Variants in IL17RD observed in about 807,000 individuals in gnomAD.
The protein encoded by IL17RD is interleukin 17 receptor D.
IL17RD carries 52 observed loss-of-function variants against 80.5 expected under a neutral mutation model. The ratio of observed to expected loss-of-function variants is 0.65; its 90% CI spans 0.52 to 0.81. The LOEUF (loss-of-function observed/expected upper bound fraction) is 0.81. Among genes scored for constraint, IL17RD ranks in the 40% least tolerant of loss-of-function variants. The probability of loss-of-function intolerance (pLI) is 0.00; values close to 1 mark genes in which losing one functional copy is unlikely to be tolerated. For synonymous variants in IL17RD, 416 were observed against 391.8 expected, an observed-to-expected ratio of 1.06 and a Z score of -0.73; for missense variants, 1,024 against 955.1, an observed-to-expected ratio of 1.07 and a Z score of -0.95.
At chr3:57,101,073 G>A (rs567716832) in intron 11 of IL17RD, 106 bp downstream of exon 11, 1 of 799,664 alleles carries the variant, frequency 1.3e-6, no homozygotes, top group East Asian at 2.7e-5. Flanking sequence ...ACTAGTCAAG[G>A]GCAGGTGTCA....
chr3:57,152,810 A>G (rs374925178), intron 1 of IL17RD, among the ~76,000 whole-genome samples: 103 of 152,372 alleles, frequency 6.8e-4, no homozygotes, highest in African/African-American at 2.4e-3. Flanking sequence ...CTAAAAGGCT[A>G]GAAACTGACT....
chr3:57,111,991 A>T (rs564321828), intron 3 of IL17RD, among the ~76,000 whole-genome samples: 2 of 151,850 alleles, frequency 1.3e-5, no homozygotes, highest in Non-Finnish European at 2.9e-5. Context: ...AAGAAAAAAA[A>T]ATTCATCAGT....
chr3:57,147,680 G>T (rs1371486304), intron 1 of IL17RD, among the ~76,000 whole-genome samples: 1 of 152,206 alleles, frequency 6.6e-6, no homozygotes, highest in Non-Finnish European at 1.5e-5. Context: ...GGCAAAAAGG[G>T]GAGGGGAGCT....
At chr3:57,137,846 C>G (rs1707758121) in intron 1 of IL17RD, among the ~76,000 whole-genome samples, 1 of 152,164 alleles carries the variant, frequency 6.6e-6, no homozygotes, top group African/African-American at 2.4e-5. Context: ...TCAGAGTAAA[C>G]CAGTGTCATG....
intron 1 of IL17RD, among the ~76,000 whole-genome samples, chr3:57,151,224 T>C (rs1222614439): frequency 2.0e-5 from 3 of 152,188 alleles, no homozygotes; most frequent in Non-Finnish European, 4.4e-5. Context: ...CAGAGTGATA[T>C]AACAGATGAC....
At chr3:57,132,060 C>A (rs1220154280) in intron 1 of IL17RD, among the ~76,000 whole-genome samples, 1 of 152,070 alleles carries the variant, frequency 6.6e-6, no homozygotes, top group Non-Finnish European at 1.5e-5. Context: ...GTGGTACACA[C>A]CTGTGGTCCC....
rs181882297 is a variant in IL17RD, at chr3:57,136,924, A to T, written c.127-16611T>A. 1.7e-3 allele frequency among the ~76,000 whole-genome samples: 258 copies of T among 152,322 alleles called. 1 individual carries two copies. Among genetic ancestry groups the T allele is most frequent in the African/African-American group, 6.1e-3 (253 of 41,568 alleles). ...AGTAGATAAGGTTACACTGCCTAGAATGAATGGGCTAAGTTATGCCACTGA... is the reference window on the plus strand; with the variant it reads ...AGTAGATAAGGTTACACTGCCTAGATTGAATGGGCTAAGTTATGCCACTGA... On this transcript the variant is annotated intron_variant, in intron 1 of 12. Coordinates refer to ENST00000296318, the MANE Select transcript of IL17RD (RefSeq NM_017563.5).
At position 57,098,086 on chromosome 3, in the gene IL17RD, G is replaced by A; in HGVS notation, c.1617C>T (p.Gly539=). 6.2e-7 allele frequency: 1 copy of A among 1,614,000 alleles called. No homozygotes were observed. The highest frequency in any genetic ancestry group is 8.5e-7 in the Non-Finnish European group (1 of 1,179,902). Residue 539 remains glycine, a synonymous_variant, in exon 12 of 13, where the codon GGC becomes GGT. Coordinates refer to ENST00000296318, the MANE Select transcript of IL17RD (RefSeq NM_017563.5). ...SRRNYFRSKS[G]RSLYVAICNM... The stretch of plus-strand genomic sequence containing the variant: ...TGCAAATGGCGACGTATAGGGACCG[G>A]CCTGACTTGCTCCGGAAGTAGTTCC...
chr3:57,095,032 C>G lies in IL17RD; in HGVS notation c.*1361G>C, dbSNP rs1412729188. ...TGTGCTTGGAAGGGAAAGTCCTGCC[C>G]CATCCCACCTCCCACCTTGCCTCAG... On this transcript the variant is annotated 3_prime_UTR_variant, in exon 13 of 13. Transcript: ENST00000296318. The G allele has an allele frequency of 6.6e-6, 1 of 152,618 alleles. No homozygotes were observed. Among genetic ancestry groups the G allele is most frequent in the Non-Finnish European group, 1.5e-5 (1 of 68,048 alleles). 9.5% of individuals were successfully genotyped at this position (152,618 alleles called of 1,614,324 possible). A position where few individuals can be genotyped will look rare whatever the true frequency, so the allele number is the denominator to read the frequency against.
chr3:57,096,631 C>A (rs73836408), intron 12 of IL17RD, 126 bp from the exon 13 acceptor site: 1 of 698,518 alleles, frequency 1.4e-6, no homozygotes. Flanking sequence ...AGGCAAGAAT[C>A]CCAACCAACT....
chr3:57,102,771 G>C (rs998817160), intron 9 of IL17RD, among the ~76,000 whole-genome samples, 182 bp from the exon 10 acceptor site: 1 of 152,198 alleles, frequency 6.6e-6, no homozygotes, highest in Non-Finnish European at 1.5e-5. Context: ...GAGTTGCAAA[G>C]AACAATTCAA....
intron 7 of IL17RD, among the ~76,000 whole-genome samples, chr3:57,105,536 C>CAAAAAAAAAA (rs745910085): frequency 3.7e-4 from 13 of 35,610 alleles, no homozygotes; most frequent in Non-Finnish European, 4.7e-4. Context: ...GACTCCATCT[C>CAAAAAAAAAA]AAAAAAAAAA....
chr3:57,108,666 C>T (rs1256850430), intron 5 of IL17RD, among the ~76,000 whole-genome samples: 1 of 151,904 alleles, frequency 6.6e-6, no homozygotes, highest in African/African-American at 2.4e-5. Context: ...CAGGCGCACA[C>T]CATGACGCCC....
In IL17RD at chr3:57,098,065, A is replaced by T; in HGVS notation, c.1638T>A (p.Ile546=). ...SKSGRSLYVA[I]CNMHQFIDEE... ...CGTCAATAAACTGGTGCATGTTGCA[A>T]ATGGCGACGTATAGGGACCGGCCTG... Residue 546 remains isoleucine, a synonymous_variant, in exon 12 of 13, where the codon ATT becomes ATA. Coordinates refer to ENST00000296318, the MANE Select transcript of IL17RD (RefSeq NM_017563.5). The T allele has an allele frequency of 1.2e-6, 2 of 1,613,948 alleles. No homozygotes were observed. Among genetic ancestry groups the T allele is most frequent in the South Asian group, 1.1e-5 (1 of 91,080 alleles).
chr3:57,104,476 C>A, intron 7 of IL17RD, 69 bp from the exon 8 acceptor site: 1 of 1,021,114 alleles, frequency 9.8e-7, no homozygotes, highest in Non-Finnish European at 1.5e-6. Flanking sequence ...ACCTCTTCTC[C>A]CCCAGAGCTG....
intron 1 of IL17RD, among the ~76,000 whole-genome samples, chr3:57,132,318 G>C (rs1039747200): frequency 3.9e-4 from 59 of 152,066 alleles, no homozygotes; most frequent in African/African-American, 1.2e-3. Context: ...AATTTAGCCA[G>C]GCGTGGTGGC....
Position 57,105,552 on chromosome 3 carries a change from A to ATAT in IL17RD, c.747+304_747+305insATA, listed in dbSNP as rs1553623052. On this transcript the variant is annotated intron_variant, in intron 7 of 12. Transcript: ENST00000296318. ...ACTCCATCTCAAAAAAAAAAAAAAA[A>ATAT]ATATATATATATATATATTTGTTCA... 5.4e-3 allele frequency among the ~76,000 whole-genome samples: 342 copies of ATAT among 63,564 alleles called. 7 individuals are homozygous for ATAT. The highest frequency in any genetic ancestry group is 8.0e-3 in the South Asian group (13 of 1,624). 41.7% of individuals were successfully genotyped at this position (63,564 alleles called of 152,430 possible). A position where few individuals can be genotyped will look rare whatever the true frequency, so the allele number is the denominator to read the frequency against.
intron 1 of IL17RD, chr3:57,150,444 C>T (rs1432240399): frequency 1.3e-5 from 2 of 152,206 alleles, no homozygotes; most frequent in African/African-American, 4.8e-5. Context: ...CTCCGAGTCA[C>T]AAGGATTCTC....
chr3:57,125,190 C>T (rs1276926740), intron 1 of IL17RD, among the ~76,000 whole-genome samples: 4 of 152,044 alleles, frequency 2.6e-5, no homozygotes, highest in Admixed American at 6.5e-5. Flanking sequence ...CCGGATCACC[C>T]GAGGTCAGGA....
Sources: allele counts gnomAD v4.1 joint callset (sites outside exome capture counted in the v4.1 genomes callset), GRCh38; gene constraint gnomAD v4.1.1; transcripts MANE v1.5; gene names NCBI Gene and HGNC (gene_info 2026-07-23, HGNC 2026-07-21).